The following SEPTIN1 variants were observed in gnomAD, a reference collection of about 807,000 sequenced individuals.
The protein encoded by SEPTIN1 is septin-1.
SEPTIN1 carries 52 observed loss-of-function variants against 50.7 expected under a neutral mutation model. The ratio of observed to expected loss-of-function variants is 1.03; its 90% CI spans 0.82 to 1.29. SEPTIN1 has a LOEUF of 1.29. Ranked by LOEUF, SEPTIN1 falls within the 50% of genes most tolerant of loss-of-function variation. The pLI, the probability that SEPTIN1 is intolerant of heterozygous loss-of-function variation, is 0.00. For missense variants in SEPTIN1, 455 were observed against 490.7 expected (o/e 0.93, Z 0.69); for synonymous variants, 204 against 189.1 (o/e 1.08, Z -0.65).
chr16:30,379,640 C>CT (rs71149011), intron 7 of SEPTIN1, 106 bp from the exon 8 acceptor site: 36,462 of 232,128 alleles, frequency 0.16, 5,166 homozygotes, highest in Non-Finnish European at 0.18. Flanking sequence ...GCCCCTTCCT[C>CT]TTTTTTTTTT....
At position 30,379,956 on chromosome 16, in the gene SEPTIN1, G is replaced by A. The variant is rs1366112660; in HGVS notation, c.651C>T (p.Phe217=). ...CCTTCATCTCTGCATCCTGCCTCTT[G>A]AAGTCTTCATCTTCATCAGAGTCAC... ...PECDSDEDED[F]KRQDAEMKES... The change falls in exon 7 of 11, where the codon TTC becomes TTT. Residue 217 remains phenylalanine, a synonymous_variant. Transcript: ENST00000321367. 9 of 1,589,856 alleles carry A rather than the reference G, an allele frequency of 5.7e-6. No individual in the cohort carries two copies. The highest frequency in any genetic ancestry group is 7.8e-6 in the Non-Finnish European group (9 of 1,158,852).
chr16:30,381,125 A>T lies in SEPTIN1; in HGVS notation c.573+2T>A. ...TCAAAGGTCAGAGGTCATCACTCACACCTTCTGCTTGAGGGCCTGGGTTTC... is the reference window on the plus strand; with the variant it reads ...TCAAAGGTCAGAGGTCATCACTCACTCCTTCTGCTTGAGGGCCTGGGTTTC... On this transcript the variant is annotated splice_donor_variant, in intron 6 of 10. Transcript: ENST00000321367. LOFTEE classifies it high-confidence loss of function. This position sits in a 1 kb window ranked among gnomAD's most constrained non-coding sequence, Gnocchi z 4.3. 6.2e-7 allele frequency: 1 copy of T among 1,610,166 alleles called. No individual in the cohort carries two copies. The highest frequency in any genetic ancestry group is 8.5e-7 in the Non-Finnish European group (1 of 1,176,516).
Position 30,381,403 on chromosome 16 carries a change from G to T in SEPTIN1, c.391C>A (p.Arg131=). Residue 131 remains arginine (R), a synonymous_variant, in exon 5 of 11, where the codon CGG becomes AGG. Coordinates refer to ENST00000321367, the MANE Select transcript of SEPTIN1 (RefSeq NM_001365977.2). The surrounding 1 kb of genome is among the most constrained non-coding windows in gnomAD (Gnocchi z 4.3). ...ACTCGGGAGTCCTGGATGTTCTTCC[G>T]GTTCAGGCCACTCTCATCCCTAAGG... is the stretch of plus-strand genomic sequence containing the variant. The part of the protein sequence containing the change: ...QYLRDESGLN[R]KNIQDSRVHC... The T allele has an allele frequency of 6.2e-7, 1 of 1,613,764 alleles. No homozygotes were observed. Among genetic ancestry groups the T allele is most frequent in the Admixed American group, 1.7e-5 (1 of 59,962 alleles).
chr16:30,379,387 G>C, intron 8 of SEPTIN1, 48 bp downstream of exon 8: 1 of 1,538,990 alleles, frequency 6.5e-7, no homozygotes, highest in South Asian at 1.1e-5. Context: ...TGACCCAGAG[G>C]CCCCGGGCTC....
At chr16:30,382,697 A>T, upstream of SEPTIN1, 1 of 1,532,428 alleles carries the variant, frequency 6.5e-7, no homozygotes, top group South Asian at 1.2e-5. The surrounding 1 kb of genome is among the most constrained non-coding windows in gnomAD (Gnocchi z 4.8). Context: ...TGGGGTTGCC[A>T]CCTCCTGGAC....
Position 30,378,517 on chromosome 16 carries a change from G to T in SEPTIN1, c.1036C>A (p.Arg346Ser). 1 of 1,586,094 alleles carries T rather than the reference G, an allele frequency of 6.3e-7. No individual in the cohort carries two copies. The highest frequency in any genetic ancestry group is 1.1e-5 in the South Asian group (1 of 89,610). Residue 346 changes from arginine to serine, a missense_variant, in exon 11 of 11, where the codon CGC (arginine) becomes AGC (serine). Physicochemically the swap from Arg to Ser is moderately radical, Grantham distance 110. Transcript: ENST00000321367. ...TTCTCCAGCATCTCTTGCATGCGGC[G>T]CAGCTGTGCAGGGCGAGATTGCAGG... ...KLIREKDEELRRMQEMLEKMQ... is the reference protein window; with the variant it reads ...KLIREKDEELSRMQEMLEKMQ...
intron 8 of SEPTIN1, 94 bp downstream of exon 8, chr16:30,379,341 C>A: frequency 7.0e-7 from 1 of 1,422,462 alleles, no homozygotes; most frequent in Non-Finnish European, 9.8e-7. Context: ...TCCCCTGGGA[C>A]CAAAGCCCAC....
rs375413386 is a variant in SEPTIN1, at chr16:30,380,013, T to C, written c.594A>G (p.Glu198=). Residue 198 remains glutamate (E), a synonymous_variant, in exon 7 of 11, where the codon GAA becomes GAG. Transcript: ENST00000321367. ...GGAACTGGTAGATGTGGATCTCCTCTTCCTTCAACTGATCCCGGATCTCAG... is the reference window on the plus strand; with the variant it reads ...GGAACTGGTAGATGTGGATCTCCTCCTCCTTCAACTGATCCCGGATCTCAG... The part of the protein sequence containing the change: ...LKQKIRDQLK[E]EEIHIYQFPE... 3.1e-5 allele frequency: 50 copies of C among 1,612,046 alleles called. No individual in the cohort carries two copies. Among genetic ancestry groups the C allele is most frequent in the Non-Finnish European group, 4.1e-5 (48 of 1,179,078 alleles).
rs1177401363 is a variant in SEPTIN1, at chr16:30,382,209, G to A, written c.110-30C>T. 4.3e-6 allele frequency: 7 copies of A among 1,613,142 alleles called. No individual in the cohort carries two copies. The highest frequency in any genetic ancestry group is 3.3e-4 in the Middle Eastern group (2 of 6,058). On this transcript the variant is annotated intron_variant, in intron 2 of 10. Coordinates refer to ENST00000321367, the MANE Select transcript of SEPTIN1 (RefSeq NM_001365977.2). The surrounding 1 kb of genome is among the most constrained non-coding windows in gnomAD (Gnocchi z 4.8). ...GGACAGAACAGGCCCAACTGGTCAG[G>A]GGAGGGGACAGCCAGGGCCTCCTAA...
chr16:30,378,799 G>A, intron 9 of SEPTIN1, 99 bp from the exon 10 acceptor site: 1 of 1,174,878 alleles, frequency 8.5e-7, no homozygotes, highest in Admixed American at 2.4e-5. Flanking sequence ...GGGTCTAGGA[G>A]GCGGAGCCAG....
chr16:30,382,278 C>T lies in SEPTIN1; in HGVS notation c.106G>A (p.Ala36Thr). ...TCCCTCTCCAAAACCCCCAGACCTGCCACCATTAGCGTGAAGTCAAACCCC... is the reference window on the plus strand; with the variant it reads ...TCCCTCTCCAAAACCCCCAGACCTGTCACCATTAGCGTGAAGTCAAACCCC... ...KKGFDFTLMVAGESGLGKSTL... is the reference protein window; with the variant it reads ...KKGFDFTLMVTGESGLGKSTL... The change falls in exon 2 of 11, where the codon GCA (alanine) becomes ACA (threonine). Residue 36 changes from alanine to threonine, a missense_variant. Physicochemically the swap from Ala to Thr is moderately conservative, Grantham distance 58. Transcript: ENST00000321367. This position sits in a 1 kb window ranked among gnomAD's most constrained non-coding sequence, Gnocchi z 4.8. 1.2e-6 allele frequency: 2 copies of T among 1,613,518 alleles called. No individual in the cohort carries two copies. The highest frequency in any genetic ancestry group is 8.5e-7 in the Non-Finnish European group (1 of 1,179,634).
intron 7 of SEPTIN1, 104 bp from the exon 8 acceptor site, chr16:30,379,638 C>CACTTT: frequency 3.4e-5 from 10 of 295,652 alleles, no homozygotes; most frequent in East Asian, 2.1e-4. Flanking sequence ...CTGCCCCTTC[C>CACTTT]TCTTTTTTTT....
Position 30,378,391 on chromosome 16 carries a change from C to A in SEPTIN1, c.*43G>T. The A allele has an allele frequency of 6.6e-7, 1 of 1,508,384 alleles. No homozygotes were observed. Among genetic ancestry groups the A allele is most frequent in the South Asian group, 1.2e-5 (1 of 81,662 alleles). The allele number at this position is 1,508,384 out of a possible 1,614,324, so 93.4% of individuals were successfully genotyped here. On this transcript the variant is annotated 3_prime_UTR_variant, in exon 11 of 11. Transcript: ENST00000321367. ...GGGGCGCGGGGATTGGACAAGAGGC[C>A]GACTGAAGGCGGAGCCGAGGTAAGG... is the stretch of plus-strand genomic sequence containing the variant.
In SEPTIN1 at chr16:30,379,189, G is replaced by C. The variant is rs745646718; in HGVS notation, c.776-6C>G. On this transcript the variant is annotated splice_region_variant and splice_polypyrimidine_tract_variant and intron_variant, in intron 8 of 10. Transcript: ENST00000321367. ...GCAGTGATGTGGGTTCTCCACTGGA[G>C]GGGGGGCGGCGCGGACCAGCGAACG... 57 of 1,613,442 alleles carry C rather than the reference G, an allele frequency of 3.5e-5. No homozygotes were observed. The East Asian group carries it at 5.3e-4, about 15-fold the overall frequency.
chr16:30,382,127 G>T lies in SEPTIN1; in HGVS notation c.162C>A (p.Asn54Lys). The T allele has an allele frequency of 6.3e-7, 1 of 1,589,690 alleles. No homozygotes were observed. Residue 54 changes from asparagine to lysine, a missense_variant, in exon 3 of 11, where the codon AAC (asparagine) becomes AAA (lysine). Transcript: ENST00000321367. This position sits in a 1 kb window ranked among gnomAD's most constrained non-coding sequence, Gnocchi z 4.8. ...CTGGCACCTGGCGATCCTCATAGAG[G>T]TTGGTGAGGAAGAGGCTGTTGATGA... ...STLINSLFLT[N>K]LYEDRQVPEA...
rs776950170 is a variant in SEPTIN1 at position 30,381,321 on chromosome 16, AGGATCCCCCCACCAGACCCCCG to A, written c.451_455+17del. ...GCCCTCCCTAAATGCGCCAGCCCCC[AGGATCCCCCCACCAGACCCCCG>A]GCCGAAGGGTGAGATGAAGTAGAGG... is the stretch of plus-strand genomic sequence containing the variant. On this transcript the variant is annotated splice_donor_variant and splice_donor_5th_base_variant and coding_sequence_variant and intron_variant, in exon 5 of 11. Coordinates refer to ENST00000321367, the MANE Select transcript of SEPTIN1 (RefSeq NM_001365977.2). LOFTEE classifies it high-confidence loss of function. The surrounding 1 kb of genome is among the most constrained non-coding windows in gnomAD (Gnocchi z 4.3). The A allele has an allele frequency of 9.2e-7, 1 of 1,084,032 alleles. No homozygotes were observed. The highest frequency in any genetic ancestry group is 3.1e-5 in the East Asian group (1 of 32,218). The allele number at this position is 1,084,032 out of a possible 1,614,324, so 67.2% of individuals were successfully genotyped here. A position where few individuals can be genotyped will look rare whatever the true frequency, so the allele number is the denominator to read the frequency against.
At chr16:30,378,982 C>T in intron 9 of SEPTIN1, 36 bp downstream of exon 9, 1 of 1,595,280 alleles carries the variant, frequency 6.3e-7, no homozygotes. Context: ...GAGGCGGGAC[C>T]TTGGAGGCTC....
At position 30,381,999 on chromosome 16, in the gene SEPTIN1, A is replaced by C; in HGVS notation, c.196+94T>G. 1 of 1,603,206 alleles carries C rather than the reference A, an allele frequency of 6.2e-7. No homozygotes were observed. The highest frequency in any genetic ancestry group is 8.5e-7 in the Non-Finnish European group (1 of 1,172,452). The stretch of plus-strand genomic sequence containing the variant: ...CCCAGGGGAGGAAAGTCTCAGAAAA[A>C]AAGCAGTCAACTACCTGAGTCCCCA... On this transcript the variant is annotated intron_variant, in intron 3 of 10. Transcript: ENST00000321367. The surrounding 1 kb of genome is among the most constrained non-coding windows in gnomAD (Gnocchi z 4.3).
rs557567271 is a variant in SEPTIN1, at chr16:30,382,353, C to T, written c.31G>A (p.Val11Met). The stretch of plus-strand genomic sequence containing the variant: ...TGGTTGGGGAGGGCAGCAAAACCCA[C>T]GTACTCCTTGTCCTATGGATGGGGG... The part of the protein sequence containing the change: MAGGVMDKEY[V>M]GFAALPNQLH... Residue 11 changes from valine (V) to methionine (M), a missense_variant, in exon 2 of 11, where the codon GTG (valine) becomes ATG (methionine). Coordinates refer to ENST00000321367, the MANE Select transcript of SEPTIN1 (RefSeq NM_001365977.2). The surrounding 1 kb of genome is among the most constrained non-coding windows in gnomAD (Gnocchi z 4.8). 2.3e-5 allele frequency: 37 copies of T among 1,612,466 alleles called. No homozygotes were observed. In the African/African-American group the frequency reaches 3.2e-4, roughly 14 times the overall value.
Sources: allele counts gnomAD v4.1 joint callset, GRCh38; gene constraint gnomAD v4.1.1; non-coding constraint Gnocchi (gnomAD v3.1); transcripts MANE v1.5; gene names NCBI Gene and HGNC (gene_info 2026-07-23, HGNC 2026-07-21).